SENP8: variants seen among roughly 807,000 people sequenced by gnomAD.
SENP8 encodes the protein SUMO peptidase family member, NEDD8 specific.
SENP8 carries 10 observed loss-of-function variants against 14.4 expected under a neutral mutation model. That is an observed-to-expected ratio of 0.69 (90% CI 0.43 to 1.18). The LOEUF is 1.18. Ranked by LOEUF, SENP8 falls within the 50% of genes most tolerant of loss-of-function variation. SENP8 has a pLI of 0.00. For synonymous variants in SENP8, 94 were observed against 95.5 expected (o/e 0.98, Z 0.09); for missense variants, 202 against 249.4 (o/e 0.81, Z 1.28).
chr15:72,129,562 A>T (rs1480451529), intron 1 of SENP8, among the ~76,000 whole-genome samples: 2 of 142,072 alleles, frequency 1.4e-5, no homozygotes, highest in Admixed American at 7.1e-5. Context: ...TTTTTAGTAG[A>T]GACTGGGTTT....
At chr15:72,122,204 A>G (rs553159200) in intron 1 of SENP8, among the ~76,000 whole-genome samples, 3 of 150,884 alleles carry the variant, frequency 2.0e-5, no homozygotes, top group East Asian at 1.9e-4. Context: ...AAACTGATCA[A>G]TACCGGACTA....
chr15:72,129,465 C>T (rs1022593268), intron 1 of SENP8, among the ~76,000 whole-genome samples: 1 of 151,292 alleles, frequency 6.6e-6, no homozygotes, highest in African/African-American at 2.4e-5. Flanking sequence ...TGGGTTCAAG[C>T]GATTCTCCTG....
In SENP8 at chr15:72,134,135, AG is replaced by A. The variant is rs2081304042; in HGVS notation, c.-47-5441del. Among the ~76,000 whole-genome samples, 6 of 152,270 alleles carry A rather than the reference AG, an allele frequency of 3.9e-5. No individual in the cohort carries two copies. The South Asian group carries it at 1.2e-3, about 32-fold the overall frequency. ...TAATTTTTTGTATTTTAGTAGAGAC[AG>A]AGTTTCACCATGTTGCCTGGGCTGG... On this transcript the variant is annotated intron_variant, in intron 1 of 1. Coordinates refer to ENST00000340912, the MANE Select transcript of SENP8 (RefSeq NM_145204.4).
In SENP8 at chr15:72,142,278, T is replaced by G. The variant is rs2081385739; in HGVS notation, c.*2016T>G. On this transcript the variant is annotated 3_prime_UTR_variant, in exon 2 of 2. Coordinates refer to ENST00000340912, the MANE Select transcript of SENP8 (RefSeq NM_145204.4). ...GTCCTCCTATGAAATTTTGAGTATG[T>G]CATTTGTAAATGTTAGCATTATAAA... 1 of 152,214 alleles carries G rather than the reference T, an allele frequency of 6.6e-6. No homozygotes were observed. The highest frequency in any genetic ancestry group is 1.5e-5 in the Non-Finnish European group (1 of 68,034). 9.4% of individuals were successfully genotyped at this position (152,214 alleles called of 1,614,324 possible).
At chr15:72,121,489 G>C (rs1310521879) in intron 1 of SENP8, among the ~76,000 whole-genome samples, 1 of 152,142 alleles carries the variant, frequency 6.6e-6, no homozygotes, top group African/African-American at 2.4e-5. Context: ...AGCACTTGGG[G>C]AGGCTGAGGC....
At position 72,139,809 on chromosome 15, in the gene SENP8, C is replaced by T; in HGVS notation, c.186C>T (p.Ile62=). 6.2e-7 allele frequency: 1 copy of T among 1,614,176 alleles called. No individual in the cohort carries two copies. Among genetic ancestry groups the T allele is most frequent in the East Asian group, 2.2e-5 (1 of 44,884 alleles). The stretch of plus-strand genomic sequence containing the variant: ...TCAGCCCTGAAGTCACCCAGTTCAT[C>T]AAGTGCACTAGCAACCCAGCAGAGA... The part of the protein sequence containing the change: ...SFISPEVTQF[I]KCTSNPAEIA... The change falls in exon 2 of 2, where the codon ATC becomes ATT. Residue 62 remains isoleucine, a synonymous_variant. Transcript: ENST00000340912.
At chr15:72,139,497 C>G in intron 1 of SENP8, 80 bp from the exon 2 acceptor site, 1 of 1,326,142 alleles carries the variant, frequency 7.5e-7, no homozygotes, top group Non-Finnish European at 1.0e-6. Context: ...ATTTTTTTAC[C>G]ACAACCCTAT....
At chr15:72,114,382 T>C (rs1008769232), upstream of SENP8, 5 of 152,274 alleles carry the variant, frequency 3.3e-5, no homozygotes, top group South Asian at 2.1e-4. Context: ...TAAAATAAGA[T>C]AGAGGCAACA....
At chr15:72,117,594 G>A (rs772155813), upstream of SENP8, 766 of 388,362 alleles carry the variant, frequency 2.0e-3, 3 homozygotes, top group Non-Finnish European at 2.6e-3. Flanking sequence ...GGACGGGGCG[G>A]GGCGGCCCGA....
chr15:72,134,844 C>A, intron 1 of SENP8: 1 of 282,100 alleles, frequency 3.5e-6, no homozygotes, highest in Non-Finnish European at 7.0e-6. Flanking sequence ...ACAGTGATAC[C>A]CAGCATGATG....
intron 1 of SENP8, among the ~76,000 whole-genome samples, chr15:72,125,575 TA>T (rs1416933139): frequency 6.6e-6 from 1 of 152,046 alleles, no homozygotes; most frequent in African/African-American, 2.4e-5. Flanking sequence ...TGCTACTTAT[TA>T]AAAAATCCAG....
At chr15:72,114,614 G>A (rs376935902), upstream of SENP8, 1 of 152,082 alleles carries the variant, frequency 6.6e-6, no homozygotes, top group African/African-American at 2.4e-5. Flanking sequence ...CTGTTTTTGT[G>A]GGGGGAAAAG....
rs1206760893 is a variant in SENP8 at position 72,143,481 on chromosome 15, C to T, written c.*3219C>T. On this transcript the variant is annotated 3_prime_UTR_variant, in exon 2 of 2. Transcript: ENST00000340912. ...GAATAGCAACAACTAACCTTTTTAT[C>T]ACTCTGTAATGTGCAGGGTACTTTA... is the stretch of plus-strand genomic sequence containing the variant. The T allele has an allele frequency of 6.6e-6, 1 of 152,162 alleles. No homozygotes were observed. Among genetic ancestry groups the T allele is most frequent in the African/African-American group, 2.4e-5 (1 of 41,432 alleles). 9.4% of individuals were successfully genotyped at this position (152,162 alleles called of 1,614,324 possible).
chr15:72,118,279 C>T (rs1671441631), upstream of SENP8: 2 of 292,718 alleles, frequency 6.8e-6, no homozygotes, highest in Middle Eastern at 9.2e-4. Context: ...CCCCAGGCGG[C>T]CCCGCCCAAA....
upstream of SENP8, chr15:72,118,230 T>A (rs2151301656): frequency 3.0e-6 from 1 of 336,842 alleles, no homozygotes; most frequent in East Asian, 4.5e-5. Context: ...CACTGGAGAG[T>A]ACAGCGTGCG....
At chr15:72,120,685 T>G (rs1295754611) in intron 1 of SENP8, among the ~76,000 whole-genome samples, 1 of 152,218 alleles carries the variant, frequency 6.6e-6, no homozygotes, top group African/African-American at 2.4e-5. Flanking sequence ...TTAAAACAAA[T>G]GTGTGATATA....
chr15:72,130,410 G>A (rs2081261606), intron 1 of SENP8, among the ~76,000 whole-genome samples: 1 of 152,060 alleles, frequency 6.6e-6, no homozygotes, highest in Non-Finnish European at 1.5e-5. Context: ...TGTCCTTAGA[G>A]GTCAAAAGTA....
In SENP8 at chr15:72,140,097, A is replaced by T; in HGVS notation, c.474A>T (p.Gln158His). Residue 158 changes from glutamine (Q) to histidine (H), a missense_variant, in exon 2 of 2, where the codon CAA becomes CAT. Physicochemically the swap from Gln to His is conservative, Grantham distance 24. Transcript: ENST00000340912. The part of the protein sequence containing the change: ...AFVEEKAPAQ[Q>H]NSYDCGMYVI... Reference sequence around the variant, plus strand: ...TGGAAGAGAAAGCCCCTGCCCAACAAAACAGCTATGACTGTGGGATGTACG... The same window carrying T: ...TGGAAGAGAAAGCCCCTGCCCAACATAACAGCTATGACTGTGGGATGTACG... 6.2e-7 allele frequency: 1 copy of T among 1,614,146 alleles called. No individual in the cohort carries two copies. Among genetic ancestry groups the T allele is most frequent in the South Asian group, 1.1e-5 (1 of 91,080 alleles).
chr15:72,119,683 G>A (rs1031096410), intron 1 of SENP8, among the ~76,000 whole-genome samples: 3 of 152,214 alleles, frequency 2.0e-5, no homozygotes, highest in African/African-American at 7.2e-5. Context: ...GGAAGGCGGA[G>A]CTTGCAGTGA....
Sources: allele counts gnomAD v4.1 joint callset (sites outside exome capture counted in the v4.1 genomes callset), GRCh38; gene constraint gnomAD v4.1.1; transcripts MANE v1.5; gene names NCBI Gene and HGNC (gene_info 2026-07-23, HGNC 2026-07-21).